CSMD1: variants seen among roughly 807,000 people sequenced by gnomAD.
CSMD1 encodes CUB and Sushi multiple domains 1.
CSMD1 carries 213 observed loss-of-function variants against 417.5 expected under a neutral mutation model. The observed-to-expected ratio is 0.51, with a 90% CI of 0.46 to 0.57. CSMD1 has a LOEUF of 0.57. Among genes scored for constraint, CSMD1 ranks in the 20% least tolerant of loss-of-function variants. The pLI is 0.00. For missense variants in CSMD1, 6,923 were observed against 4,529.7 expected, an observed-to-expected ratio of 1.53 and a Z score of -15.17; for synonymous variants, 2,862 against 1,736.8, an observed-to-expected ratio of 1.65 and a Z score of -16.11.
intron 1 of CSMD1, among the ~76,000 whole-genome samples, chr8:4,893,687 T>C (rs937215168): frequency 7.2e-5 from 11 of 152,304 alleles, no homozygotes; most frequent in Non-Finnish European, 4.4e-5. Flanking sequence ...AACTGTCACC[T>C]GTACCATAGT....
chr8:4,311,037 A>C (rs557444196), intron 3 of CSMD1, among the ~76,000 whole-genome samples: 1 of 152,340 alleles, frequency 6.6e-6, no homozygotes, highest in Non-Finnish European at 1.5e-5. Flanking sequence ...GGGAACACTT[A>C]TACACCACTG....
intron 1 of CSMD1, among the ~76,000 whole-genome samples, chr8:4,883,194 G>C (rs918600636): frequency 9.2e-5 from 14 of 152,042 alleles, no homozygotes; most frequent in Admixed American, 2.6e-4. Flanking sequence ...TAGAATGCTA[G>C]CAGAACATGA....
intron 10 of CSMD1, among the ~76,000 whole-genome samples, chr8:3,570,063 G>A (rs1379557461): frequency 6.6e-6 from 1 of 152,170 alleles, no homozygotes; most frequent in African/African-American, 2.4e-5. Context: ...AAGGAGAGAA[G>A]AGAATTGTAT....
At chr8:2,961,571 G>A (rs1217658620) in intron 61 of CSMD1, among the ~76,000 whole-genome samples, 1 of 151,318 alleles carries the variant, frequency 6.6e-6, no homozygotes, top group Non-Finnish European at 1.5e-5. Context: ...TTCAATAATT[G>A]GCCATCTCAT....
intron 15 of CSMD1, among the ~76,000 whole-genome samples, chr8:3,404,871 A>C (rs1325213306): frequency 6.6e-6 from 1 of 152,188 alleles, no homozygotes; most frequent in Non-Finnish European, 1.5e-5. Flanking sequence ...GATTTATCTA[A>C]TCAGTCCTCT....
chr8:3,293,229 C>A (rs879264963), intron 25 of CSMD1, among the ~76,000 whole-genome samples: 12 of 152,124 alleles, frequency 7.9e-5, no homozygotes, highest in Non-Finnish European at 1.3e-4. Context: ...TTGTGGGTAA[C>A]CGGACCTTTC....
chr8:3,644,978 A>AT (rs1797505146), intron 7 of CSMD1, among the ~76,000 whole-genome samples: 5 of 151,050 alleles, frequency 3.3e-5, no homozygotes, highest in Admixed American at 1.3e-4. Context: ...AAAAAAAAAA[A>AT]AAAAAAAAAA....
chr8:3,297,338 T>C (rs1804043725), intron 25 of CSMD1, among the ~76,000 whole-genome samples: 1 of 152,152 alleles, frequency 6.6e-6, no homozygotes, highest in Admixed American at 6.5e-5. Context: ...GAAATTCATA[T>C]GGAAGTGCAG....
chr8:3,286,609 G>A (rs1216079573), intron 25 of CSMD1, among the ~76,000 whole-genome samples: 1 of 151,706 alleles, frequency 6.6e-6, no homozygotes, highest in East Asian at 1.9e-4. Flanking sequence ...ATGTTTTTTG[G>A]CTGCATAAAT....
chr8:3,354,595 G>T (rs1163832920), intron 21 of CSMD1, among the ~76,000 whole-genome samples: 2 of 151,818 alleles, frequency 1.3e-5, no homozygotes, highest in Admixed American at 6.6e-5. Flanking sequence ...GAATATTTAA[G>T]AATTTCACAA....
intron 18 of CSMD1, among the ~76,000 whole-genome samples, chr8:3,385,045 TA>T (rs1204963302): frequency 8.5e-6 from 1 of 117,080 alleles, no homozygotes; most frequent in Non-Finnish European, 1.6e-5. Flanking sequence ...ATATAATATA[TA>T]AATATATAAT....
chr8:4,687,278 G>C (rs1407216079), intron 1 of CSMD1, among the ~76,000 whole-genome samples: 2 of 152,236 alleles, frequency 1.3e-5, no homozygotes, highest in African/African-American at 2.4e-5. Flanking sequence ...AGGAGGACAA[G>C]GAGCCTTACT....
chr8:3,724,751 T>C (rs1305796009), intron 6 of CSMD1, among the ~76,000 whole-genome samples: 1 of 152,222 alleles, frequency 6.6e-6, no homozygotes, highest in Non-Finnish European at 1.5e-5. Context: ...TATTTTCTTC[T>C]GTTATGAGTG....
intron 7 of CSMD1, among the ~76,000 whole-genome samples, chr8:3,667,939 A>G (rs920437158): frequency 6.6e-6 from 1 of 151,998 alleles, no homozygotes; most frequent in Non-Finnish European, 1.5e-5. Context: ...GTGCCAATTC[A>G]CCCACCCATT....
At chr8:3,783,112 C>A (rs532096090) in intron 5 of CSMD1, among the ~76,000 whole-genome samples, 1 of 152,146 alleles carries the variant, frequency 6.6e-6, no homozygotes, top group Non-Finnish European at 1.5e-5. Context: ...CACCATCCTC[C>A]CTTCTCGGGA....
At chr8:4,035,998 G>C (rs949772470) in intron 3 of CSMD1, among the ~76,000 whole-genome samples, 4 of 152,040 alleles carry the variant, frequency 2.6e-5, no homozygotes, top group Admixed American at 2.0e-4. Context: ...TTTTAATGCT[G>C]TTTTATTACT....
intron 7 of CSMD1, among the ~76,000 whole-genome samples, chr8:3,703,085 T>C (rs540242228): frequency 2.0e-5 from 3 of 152,308 alleles, no homozygotes; most frequent in Admixed American, 6.5e-5. Flanking sequence ...ATTTAAGATA[T>C]TAATGACTAT....
Position 3,539,231 on chromosome 8 carries a change from A to T in CSMD1, c.1344+35714T>A, listed in dbSNP as rs960811915. Among the ~76,000 whole-genome samples the T allele has an allele frequency of 5.3e-5, 8 of 152,162 alleles. 1 individual carries two copies. The South Asian group carries it at 1.7e-3, about 31-fold the overall frequency. ...ATGTTCGCAAGGCTGCCTCATGTGT[A>T]TCATTAATCCTTCAGTCACTCTCTC... On this transcript the variant is annotated intron_variant, in intron 10 of 69. Transcript: ENST00000635120.
At chr8:4,068,550 C>T (rs1170318895) in intron 3 of CSMD1, among the ~76,000 whole-genome samples, 2 of 152,130 alleles carry the variant, frequency 1.3e-5, no homozygotes, top group African/African-American at 4.8e-5. Flanking sequence ...AAAATGTATC[C>T]TCTGGAGGCC....
Sources: allele counts gnomAD v4.1 joint callset (sites outside exome capture counted in the v4.1 genomes callset), GRCh38; gene constraint gnomAD v4.1.1; transcripts MANE v1.5; gene names NCBI Gene and HGNC (gene_info 2026-07-23, HGNC 2026-07-21).